The following TGM4 variants were observed in gnomAD, a reference collection of about 807,000 sequenced individuals.
TGM4 encodes transglutaminase 4.
TGM4 carries 61 observed loss-of-function variants against 76.3 expected under a neutral mutation model. The ratio of observed to expected loss-of-function variants is 0.80; its 90% CI spans 0.65 to 0.99. The LOEUF is 0.99. Ranked by LOEUF, TGM4 falls within the 50% of genes least tolerant of loss-of-function variation. TGM4 has a pLI of 0.00. For synonymous variants in TGM4, 337 were observed against 329.8 expected (o/e 1.02, Z -0.24); for missense variants, 794 against 843.2 (o/e 0.94, Z 0.72).
intron 13 of TGM4, among the ~76,000 whole-genome samples, chr3:44,911,791 AT>A (rs370594480): frequency 4.3e-4 from 66 of 152,204 alleles, no homozygotes; most frequent in African/African-American, 1.4e-3. Context: ...TGTGCTGTGA[AT>A]TTTTTTATAG....
At chr3:44,910,009 T>A (rs1699977812) in intron 10 of TGM4, 81 bp from the exon 11 acceptor site, 21 of 1,504,062 alleles carry the variant, frequency 1.4e-5, no homozygotes, top group Non-Finnish European at 1.9e-5. Flanking sequence ...AGGCAGATGG[T>A]CTCCTTCTGC....
chr3:44,883,577 A>G (rs1371287752), intron 1 of TGM4, among the ~76,000 whole-genome samples: 1 of 152,178 alleles, frequency 6.6e-6, no homozygotes, highest in Non-Finnish European at 1.5e-5. Flanking sequence ...CCATCGGCCC[A>G]CCCCAAGGTT....
intron 6 of TGM4, among the ~76,000 whole-genome samples, chr3:44,900,124 T>C (rs921885227): frequency 6.6e-6 from 1 of 152,170 alleles, no homozygotes; most frequent in Admixed American, 6.5e-5. Context: ...TGATGTCCTT[T>C]GGGCTCAGCG....
At chr3:44,898,225 G>A (rs1220006891) in intron 6 of TGM4, among the ~76,000 whole-genome samples, 1 of 148,230 alleles carries the variant, frequency 6.7e-6, no homozygotes, top group Non-Finnish European at 1.5e-5. Flanking sequence ...AGGTTGCAGT[G>A]AGCCAAGATC....
At chr3:44,909,443 T>C (rs1377108415) in intron 10 of TGM4, among the ~76,000 whole-genome samples, 1 of 152,234 alleles carries the variant, frequency 6.6e-6, no homozygotes, top group Non-Finnish European at 1.5e-5. Context: ...TTGCTGCAGG[T>C]TGTTTGTCTT....
intron 6 of TGM4, among the ~76,000 whole-genome samples, 165 bp from the exon 7 acceptor site, chr3:44,901,359 C>G (rs1699849848): frequency 6.6e-6 from 1 of 152,224 alleles, no homozygotes; most frequent in Non-Finnish European, 1.5e-5. Context: ...CTGGCATGCT[C>G]CTTGGCCCTT....
At chr3:44,901,067 T>G in intron 6 of TGM4, 1 of 161,042 alleles carries the variant, frequency 6.2e-6, no homozygotes, top group Non-Finnish European at 1.4e-5. Context: ...GGTGAAACCC[T>G]GCCTCTACAA....
intron 8 of TGM4, among the ~76,000 whole-genome samples, chr3:44,902,562 T>C (rs1438021381): frequency 6.6e-6 from 1 of 152,128 alleles, no homozygotes; most frequent in Non-Finnish European, 1.5e-5. Context: ...ATCGCACCAC[T>C]GCACTCCAGC....
chr3:44,896,629 C>A, intron 5 of TGM4, 80 bp from the exon 6 acceptor site: 1 of 1,349,508 alleles, frequency 7.4e-7, no homozygotes, highest in Non-Finnish European at 1.1e-6. Flanking sequence ...GTGGCTGTGA[C>A]ATGCAAATTA....
chr3:44,885,210 G>T, intron 1 of TGM4, 115 bp from the exon 2 acceptor site: 1 of 1,101,200 alleles, frequency 9.1e-7, no homozygotes, highest in Non-Finnish European at 1.3e-6. Flanking sequence ...AGGGATGCCC[G>T]ACTCTAAAGC....
At chr3:44,893,992 T>A (rs186222591) in intron 5 of TGM4, among the ~76,000 whole-genome samples, 198 of 9,894 alleles carry the variant, frequency 0.02, no homozygotes, top group Non-Finnish European at 0.021. Context: ...CCCACCCCCC[T>A]CGGCTCTCTC....
intron 1 of TGM4, among the ~76,000 whole-genome samples, chr3:44,878,996 C>A (rs148122615): frequency 1.6e-4 from 24 of 152,156 alleles, no homozygotes; most frequent in Admixed American, 3.3e-4. Flanking sequence ...ATTAATATTT[C>A]TCTAGGTTGT....
intron 1 of TGM4, among the ~76,000 whole-genome samples, chr3:44,875,177 C>T (rs774645570): frequency 6.6e-6 from 1 of 152,146 alleles, no homozygotes; most frequent in Non-Finnish European, 1.5e-5. Context: ...GTTATCCAAC[C>T]CACAGATTTT....
intron 2 of TGM4, among the ~76,000 whole-genome samples, chr3:44,886,141 C>T (rs980701371): frequency 7.2e-5 from 11 of 152,044 alleles, no homozygotes; most frequent in South Asian, 2.1e-4. Context: ...GTCAGGAGTT[C>T]GAGATCAACC....
At chr3:44,881,851 A>T (rs1699537171) in intron 1 of TGM4, among the ~76,000 whole-genome samples, 1 of 152,186 alleles carries the variant, frequency 6.6e-6, no homozygotes, top group African/African-American at 2.4e-5. Flanking sequence ...TATCCATTGC[A>T]GAGACTTTTG....
In TGM4 at chr3:44,907,010, C is replaced by G; in HGVS notation, c.1137C>G (p.Val379=). The G allele has an allele frequency of 6.2e-7, 1 of 1,614,132 alleles. No homozygotes were observed. Among genetic ancestry groups the G allele is most frequent in the Non-Finnish European group, 8.5e-7 (1 of 1,180,032 alleles). The change falls in exon 10 of 14, where the codon GTC becomes GTG. Residue 379 remains valine, a synonymous_variant. Transcript: ENST00000296125. ...TCCGCAAAGGTGACATCTTTATTGT[C>G]TATGACACCAGATTCGTCTTCTCAG... ...TAIRKGDIFI[V]YDTRFVFSEV...
chr3:44,890,863 G>A (rs2125751795), intron 4 of TGM4, 131 bp downstream of exon 4: 1 of 1,171,918 alleles, frequency 8.5e-7, no homozygotes, highest in Non-Finnish European at 1.2e-6. Context: ...ATGTGACCCA[G>A]GAACAGATCA....
chr3:44,890,355 C>G (rs1699674655), intron 3 of TGM4: 1 of 396,214 alleles, frequency 2.5e-6, no homozygotes, highest in African/African-American at 2.0e-5. Context: ...GGTGAAAATG[C>G]CCAGTCTCTC....
chr3:44,891,863 T>C (rs899545351), intron 4 of TGM4, among the ~76,000 whole-genome samples: 2 of 151,326 alleles, frequency 1.3e-5, no homozygotes, highest in African/African-American at 4.9e-5. Context: ...TATTCTCAGC[T>C]ACTAGGGAGG....
Sources: gnomAD v4.1 joint callset for allele counts (sites outside exome capture counted in the v4.1 genomes callset) on GRCh38, gnomAD v4.1.1 for gene constraint, MANE v1.5 for transcripts, NCBI Gene and HGNC (gene_info 2026-07-23, HGNC 2026-07-21) for gene names.